The following SPHK2 variants were observed in gnomAD, a reference collection of about 807,000 sequenced individuals.
The protein encoded by SPHK2 is sphingosine kinase 2.
A neutral mutation model predicts 32.3 loss-of-function variants in SPHK2; 18 were observed. The observed-to-expected ratio is 0.56, with a 90% confidence interval of 0.39 to 0.83. The LOEUF (loss-of-function observed/expected upper bound fraction) is 0.83. Ranked by LOEUF, SPHK2 falls within the 40% of genes least tolerant of loss-of-function variation. The probability of loss-of-function intolerance (pLI) is 0.00; values close to 1 mark genes in which losing one functional copy is unlikely to be tolerated. For missense variants in SPHK2, 850 were observed against 908.7 expected (o/e 0.94, Z 0.83); for synonymous variants, 462 against 417.6 (o/e 1.11, Z -1.30).
At position 48,630,235 on chromosome 19, in the gene SPHK2, A is replaced by C. The variant is rs1201213831; in HGVS notation, c.*462A>C. 7.8e-7 allele frequency: 1 copy of C among 1,278,340 alleles called. No individual in the cohort carries two copies. The highest frequency in any genetic ancestry group is 9.9e-7 in the Non-Finnish European group (1 of 1,012,860). The allele number at this position is 1,278,340 out of a possible 1,614,324, so 79.2% of individuals were successfully genotyped here. A position where few individuals can be genotyped will look rare whatever the true frequency, so the allele number is the denominator to read the frequency against. ...CATTTAGCTGGCCAATCAGCCCAGG[A>C]GGGGCAGGTTCCCCGGGGCCGGCGC... On this transcript the variant is annotated 3_prime_UTR_variant, in exon 7 of 7. Coordinates refer to ENST00000245222, the MANE Select transcript of SPHK2 (RefSeq NM_020126.5). The surrounding 1 kb of genome is among the most constrained non-coding windows in gnomAD (Gnocchi z 4.9).
chr19:48,625,920 G>A lies in SPHK2; in HGVS notation c.69G>A (p.Trp23Ter). The A allele has an allele frequency of 6.2e-7, 1 of 1,611,842 alleles. No homozygotes were observed. Among genetic ancestry groups the A allele is most frequent in the African/African-American group, 1.3e-5 (1 of 75,030 alleles). The change falls in exon 3 of 7, where the codon TGG becomes TGA. Residue 23 changes from tryptophan (W) to a stop codon, truncating the protein, a stop_gained. Transcript: ENST00000245222. LOFTEE classifies it high-confidence loss of function. ...QRPDQELTGS[W>*]GHGPRSTLVR... ...CAGACCAGGAGCTGACCGGGAGCTG[G>A]GGCCACGGGCCTAGGAGCACCCTGG...
At position 48,629,198 on chromosome 19, in the gene SPHK2, C is replaced by G. The variant is rs2030317977; in HGVS notation, c.1390C>G (p.Pro464Ala). ...GGACTGGGGTGGGGCTGGGGATGCT[C>G]CGCTGTCCCCGGACCCACTGCTGTC... Reference protein sequence around the residue: ...AGDWGGAGDAPLSPDPLLSSP... With the variant: ...AGDWGGAGDAALSPDPLLSSP... Residue 464 changes from proline to alanine, a missense_variant, in exon 7 of 7, where the codon CCG (proline) becomes GCG (alanine). By Grantham distance (27) the Pro-to-Ala change is conservative. This residue lies in a region of SPHK2 where 306 missense variants were observed against 268.6 expected (regional missense o/e 1.14). Coordinates refer to ENST00000245222, the MANE Select transcript of SPHK2 (RefSeq NM_020126.5). 1.2e-6 allele frequency: 2 copies of G among 1,613,512 alleles called. No individual in the cohort carries two copies. Among genetic ancestry groups the G allele is most frequent in the East Asian group, 4.5e-5 (2 of 44,874 alleles).
intron 2 of SPHK2, among the ~76,000 whole-genome samples, chr19:48,622,110 A>G (rs960027318): frequency 6.6e-6 from 1 of 152,012 alleles, no homozygotes; most frequent in African/African-American, 2.4e-5. Flanking sequence ...AAAAAAAATT[A>G]GCCGGGCATG....
chr19:48,628,220 G>A lies in SPHK2; in HGVS notation c.815G>A (p.Gly272Asp). The change falls in exon 6 of 7, where the codon GGC (glycine) becomes GAC (aspartate). Residue 272 changes from glycine (G) to aspartate (D), a missense_variant. Transcript: ENST00000245222. The surrounding 1 kb of genome is among the most constrained non-coding windows in gnomAD (Gnocchi z 5.2). ...DWEEAVKMPV[G>D]ILPCGSGNAL... ...GAGGAAGCTGTGAAGATGCCTGTGG[G>A]CATCCTCCCCTGCGGCTCGGGCAAC... The A allele has an allele frequency of 6.2e-7, 1 of 1,613,854 alleles. No individual in the cohort carries two copies. The highest frequency in any genetic ancestry group is 8.5e-7 in the Non-Finnish European group (1 of 1,179,972).
In SPHK2 at chr19:48,628,551, GC is replaced by G; in HGVS notation, c.873-126del. ...CCCCGTAAGGAGTCGCCTGGAGGTG[GC>G]CCCACGGCTGTGGTGGGCCTGGGCC... On this transcript the variant is annotated intron_variant, in intron 6 of 6. Transcript: ENST00000245222. This position sits in a 1 kb window ranked among gnomAD's most constrained non-coding sequence, Gnocchi z 5.2. 1 of 1,181,470 alleles carries G rather than the reference GC, an allele frequency of 8.5e-7. No individual in the cohort carries two copies. The highest frequency in any genetic ancestry group is 1.2e-6 in the Non-Finnish European group (1 of 803,806). 73.2% of individuals were successfully genotyped at this position (1,181,470 alleles called of 1,614,324 possible).
Position 48,630,122 on chromosome 19 carries a change from A to G in SPHK2, c.*349A>G, listed in dbSNP as rs1020009088. 1.6e-6 allele frequency: 2 copies of G among 1,255,086 alleles called. No homozygotes were observed. Among genetic ancestry groups the G allele is most frequent in the South Asian group, 2.9e-5 (1 of 34,530 alleles). The allele number at this position is 1,255,086 out of a possible 1,614,324, so 77.7% of individuals were successfully genotyped here. A position where few individuals can be genotyped will look rare whatever the true frequency, so the allele number is the denominator to read the frequency against. ...AGTCTATTTTACGCGTCGCCCAATG[A>G]CAGGACCTGGAATGTACTGGCTGGG... On this transcript the variant is annotated 3_prime_UTR_variant, in exon 7 of 7. Coordinates refer to ENST00000245222, the MANE Select transcript of SPHK2 (RefSeq NM_020126.5). This position sits in a 1 kb window ranked among gnomAD's most constrained non-coding sequence, Gnocchi z 4.9.
intron 1 of SPHK2, 77 bp from the exon 2 acceptor site, chr19:48,620,325 T>C (rs1974353300): frequency 1.9e-6 from 1 of 536,260 alleles, no homozygotes; most frequent in South Asian, 2.7e-5. Context: ...GCCTCTTGGT[T>C]CTCAGGCACA....
intron 2 of SPHK2, chr19:48,624,978 AGGC>A: frequency 5.1e-6 from 5 of 987,180 alleles, no homozygotes; most frequent in Non-Finnish European, 4.8e-6. Context: ...CGAAAGGAGG[AGGC>A]AGAATCCGGG....
chr19:48,626,152 T>G lies in SPHK2; in HGVS notation c.301T>G (p.Cys101Gly), dbSNP rs1193897913. ...LVPLAEVSGC[C>G]TLRSRSPSDS... Reference sequence around the variant, plus strand: ...CCCGTTGGCCGAGGTCTCAGGCTGCTGCACCCTGCGAAGCCGCAGCCCCTC... The same window carrying G: ...CCCGTTGGCCGAGGTCTCAGGCTGCGGCACCCTGCGAAGCCGCAGCCCCTC... Residue 101 changes from cysteine (C) to glycine (G), a missense_variant, in exon 3 of 7, where the codon TGC (cysteine) becomes GGC (glycine). By Grantham distance (159) the Cys-to-Gly change is radical. This residue lies in a region of SPHK2 where 544 missense variants were observed against 640.0 expected (regional missense o/e 0.85). Coordinates refer to ENST00000245222, the MANE Select transcript of SPHK2 (RefSeq NM_020126.5). 6.2e-7 allele frequency: 1 copy of G among 1,601,506 alleles called. No individual in the cohort carries two copies. The highest frequency in any genetic ancestry group is 1.7e-5 in the Admixed American group (1 of 58,864).
In SPHK2 at chr19:48,626,216, G is replaced by T. The variant is rs753560179; in HGVS notation, c.365G>T (p.Arg122Leu). ...TACTTCTGCATCTACACCTACCCTC[G>T]GGGCCGGCGCGGGGCCCGGCGCAGA... is the stretch of plus-strand genomic sequence containing the variant. Reference protein sequence around the residue: ...AAYFCIYTYPRGRRGARRRAT... With the variant: ...AAYFCIYTYPLGRRGARRRAT... Residue 122 changes from arginine (R) to leucine (L), a missense_variant, in exon 3 of 7, where the codon CGG (arginine) becomes CTG (leucine). By Grantham distance (102) the Arg-to-Leu change is moderately radical (BLOSUM62 -2). Transcript: ENST00000245222. 6.3e-7 allele frequency: 1 copy of T among 1,594,920 alleles called. No individual in the cohort carries two copies. The highest frequency in any genetic ancestry group is 1.1e-5 in the South Asian group (1 of 89,970).
rs571932384 is a variant in SPHK2, at chr19:48,629,616, C to G, written c.1808C>G (p.Ala603Gly). 2.5e-6 allele frequency: 4 copies of G among 1,598,760 alleles called. No individual in the cohort carries two copies. The South Asian group carries it at 4.5e-5, about 18-fold the overall frequency. ...CTGGGCTGTCCGCAGCTGGGCTACG[C>G]CGCGGCCCGTGCCTTCCGCCTAGAG... ...FSLGCPQLGY[A>G]AARAFRLEPL... Residue 603 changes from alanine (A) to glycine (G), a missense_variant, in exon 7 of 7, where the codon GCC becomes GGC. By Grantham distance (60) the Ala-to-Gly change is moderately conservative. Around this residue, in one of 2 missense-constraint regions of SPHK2, gnomAD observed 306 missense variants for 268.6 expected, o/e 1.14. Coordinates refer to ENST00000245222, the MANE Select transcript of SPHK2 (RefSeq NM_020126.5).
intron 2 of SPHK2, among the ~76,000 whole-genome samples, chr19:48,621,608 G>A (rs938742764): frequency 6.6e-6 from 1 of 152,096 alleles, no homozygotes; most frequent in Non-Finnish European, 1.5e-5. Flanking sequence ...GGTTGAGGAG[G>A]ATACTTATTA....
intron 2 of SPHK2, among the ~76,000 whole-genome samples, chr19:48,622,766 T>G (rs1043194127): frequency 7.1e-6 from 1 of 140,582 alleles, no homozygotes; most frequent in Admixed American, 7.1e-5. Flanking sequence ...TCTTTTTTTT[T>G]TTTTTTTTTT....
chr19:48,630,240 C>T lies in SPHK2; in HGVS notation c.*467C>T. On this transcript the variant is annotated 3_prime_UTR_variant, in exon 7 of 7. Transcript: ENST00000245222. The surrounding 1 kb of genome is among the most constrained non-coding windows in gnomAD (Gnocchi z 4.9). The stretch of plus-strand genomic sequence containing the variant: ...AGCTGGCCAATCAGCCCAGGAGGGG[C>T]AGGTTCCCCGGGGCCGGCGCTAGGA... 1 of 1,277,234 alleles carries T rather than the reference C, an allele frequency of 7.8e-7. No individual in the cohort carries two copies. Among genetic ancestry groups the T allele is most frequent in the Non-Finnish European group, 9.9e-7 (1 of 1,012,204 alleles). The allele number at this position is 1,277,234 out of a possible 1,614,324, so 79.1% of individuals were successfully genotyped here.
chr19:48,630,320 G>C lies in SPHK2; in HGVS notation c.*547G>C. 7.7e-7 allele frequency: 1 copy of C among 1,306,020 alleles called. No homozygotes were observed. The highest frequency in any genetic ancestry group is 9.7e-7 in the Non-Finnish European group (1 of 1,028,354). 80.9% of individuals were successfully genotyped at this position (1,306,020 alleles called of 1,614,324 possible). A position where few individuals can be genotyped will look rare whatever the true frequency, so the allele number is the denominator to read the frequency against. ...GGGGGCGGGGAAATTCATATCCCCT[G>C]TTCGTCTCATGCGCGTCCTCCGTCC... On this transcript the variant is annotated 3_prime_UTR_variant, in exon 7 of 7. Transcript: ENST00000245222. This position sits in a 1 kb window ranked among gnomAD's most constrained non-coding sequence, Gnocchi z 4.9.
rs916310419 is a variant in SPHK2 at position 48,626,038 on chromosome 19, C to T, written c.187C>T (p.Pro63Ser). The change falls in exon 3 of 7, where the codon CCA (proline) becomes TCA (serine). Residue 63 changes from proline (P) to serine (S), a missense_variant. Physicochemically the swap from Pro to Ser is moderately conservative, Grantham distance 74. Transcript: ENST00000245222. ...GEFGSYPARG[P>S]RFALTLTSQA... ...GTTTGGCTCCTACCCAGCCCGAGGC[C>T]CACGCTTTGCCCTCACCCTTACATC... 6.2e-7 allele frequency: 1 copy of T among 1,613,512 alleles called. No individual in the cohort carries two copies. The highest frequency in any genetic ancestry group is 1.7e-5 in the Admixed American group (1 of 60,032).
intron 2 of SPHK2, chr19:48,624,559 C>G (rs1264647498): frequency 6.6e-6 from 1 of 152,370 alleles, no homozygotes; most frequent in Non-Finnish European, 1.5e-5. Flanking sequence ...TGGGCCAGGA[C>G]TGAACCCAGC....
rs930384288 is a variant in SPHK2 at position 48,620,566 on chromosome 19, C to G, written c.39+13C>G. ...GCAGCAGGACCAGGTAAGGGACCAT[C>G]TAAAAGCCAAGATCCTCATACTGTG... is the stretch of plus-strand genomic sequence containing the variant. On this transcript the variant is annotated intron_variant, in intron 2 of 6. Transcript: ENST00000245222. The G allele has an allele frequency of 1.2e-6, 2 of 1,603,492 alleles. No homozygotes were observed. Among genetic ancestry groups the G allele is most frequent in the African/African-American group, 2.7e-5 (2 of 74,168 alleles).
Position 48,629,740 on chromosome 19 carries a change from T to G in SPHK2, c.1932T>G (p.Thr644=). Reference sequence around the variant, plus strand: ...ACCCTGGCATCGGTACACTGCTCACTGGGCCTCCTGGCTGCCCGGGGCGGG... The same window carrying G: ...ACCCTGGCATCGGTACACTGCTCACGGGGCCTCCTGGCTGCCCGGGGCGGG... ...QMHPGIGTLL[T]GPPGCPGREP Residue 644 remains threonine (T), a synonymous_variant, in exon 7 of 7, where the codon ACT becomes ACG. Coordinates refer to ENST00000245222, the MANE Select transcript of SPHK2 (RefSeq NM_020126.5). The G allele has an allele frequency of 1.3e-6, 2 of 1,588,764 alleles. No homozygotes were observed. Among genetic ancestry groups the G allele is most frequent in the Non-Finnish European group, 1.7e-6 (2 of 1,164,354 alleles).
Sources: allele counts gnomAD v4.1 joint callset (sites outside exome capture counted in the v4.1 genomes callset), GRCh38; gene constraint gnomAD v4.1.1; regional missense constraint gnomAD v4.1.1; non-coding constraint Gnocchi (gnomAD v3.1); transcripts MANE v1.5; gene names NCBI Gene and HGNC (gene_info 2026-07-23, HGNC 2026-07-21).